GDA: variants seen among roughly 807,000 people sequenced by gnomAD.
The protein encoded by GDA is cytoplasmic PSD-95 interactor.
GDA carries 18 observed loss-of-function variants against 59.6 expected under a neutral mutation model. The observed-to-expected ratio is 0.30, with a 90% CI of 0.21 to 0.45. The LOEUF (loss-of-function observed/expected upper bound fraction) is 0.45, where lower values mean the gene tolerates loss of function less well. GDA is among the 20% of genes least tolerant of loss of function. The pLI, the probability that GDA is intolerant of heterozygous loss-of-function variation, is 1.00. For missense variants in GDA, 427 were observed against 552.3 expected (o/e 0.77, Z 2.27); for synonymous variants, 201 against 201.1 (o/e 1.00, Z 0.00).
chr9:72,213,663 C>T (rs894222121), intron 4 of GDA, among the ~76,000 whole-genome samples: 23 of 151,812 alleles, frequency 1.5e-4, no homozygotes, highest in East Asian at 5.8e-4. Flanking sequence ...ATTAGCCGGG[C>T]GCGGTGGCGG....
At chr9:72,218,324 T>C (rs1203738233) in intron 5 of GDA, among the ~76,000 whole-genome samples, 1 of 152,198 alleles carries the variant, frequency 6.6e-6, no homozygotes. Context: ...GAAGTTCAGC[T>C]TTTTTTCTGT....
chr9:72,245,707 C>G (rs1840064329), intron 12 of GDA, among the ~76,000 whole-genome samples: 1 of 152,194 alleles, frequency 6.6e-6, no homozygotes, highest in Non-Finnish European at 1.5e-5. Flanking sequence ...CGTAAAGACT[C>G]ATAGCCAGTG....
At chr9:72,247,312 G>C (rs577972168) in intron 12 of GDA, 94 bp from the exon 13 acceptor site, 2 of 810,392 alleles carry the variant, frequency 2.5e-6, no homozygotes, top group East Asian at 4.9e-5. Context: ...AAACAAATTC[G>C]TATTTCTGGG....
Position 72,252,137 on chromosome 9 carries a change from A to G in GDA, c.*3795A>G, listed in dbSNP as rs973641536. ...GTATTCATAGGAACATTTTTTCTCAATATTTGTATGATTCGCTTACTGTTA... is the reference window on the plus strand; with the variant it reads ...GTATTCATAGGAACATTTTTTCTCAGTATTTGTATGATTCGCTTACTGTTA... On this transcript the variant is annotated 3_prime_UTR_variant, in exon 14 of 14. Transcript: ENST00000358399. 6.6e-6 allele frequency: 1 copy of G among 152,558 alleles called. No homozygotes were observed. The highest frequency in any genetic ancestry group is 1.5e-5 in the Non-Finnish European group (1 of 68,010). 9.5% of individuals were successfully genotyped at this position (152,558 alleles called of 1,614,324 possible).
At position 72,149,702 on chromosome 9, in the gene GDA, A is replaced by G. The variant is rs540940314; in HGVS notation, c.123+20A>G. 1,133 of 1,583,908 alleles carry G rather than the reference A, an allele frequency of 7.2e-4. 9 individuals carry two copies. In the African/African-American group the frequency reaches 0.014, roughly 20 times the overall value. ...GGCAAAGTAAGCAGGCGCGGGGTCG[A>G]GCGCACTCCGACGGGCGGGAGGATA... On this transcript the variant is annotated intron_variant, in intron 1 of 13. Transcript: ENST00000358399.
chr9:72,192,718 A>G (rs1564003333), intron 1 of GDA, among the ~76,000 whole-genome samples: 1 of 151,524 alleles, frequency 6.6e-6, no homozygotes, highest in Non-Finnish European at 1.5e-5. Context: ...CGTCTCTACT[A>G]AAAATACAAA....
At chr9:72,238,763 G>A (rs1308207365) in intron 10 of GDA, among the ~76,000 whole-genome samples, 1 of 152,082 alleles carries the variant, frequency 6.6e-6, no homozygotes, top group Non-Finnish European at 1.5e-5. Flanking sequence ...GGGTAAGGGG[G>A]CAGATCTTCT....
intron 5 of GDA, among the ~76,000 whole-genome samples, chr9:72,216,148 A>G (rs969751348): frequency 3.3e-5 from 5 of 152,192 alleles, no homozygotes; most frequent in Non-Finnish European, 5.9e-5. Flanking sequence ...TGCATGCCCC[A>G]CATCACATCA....
chr9:72,148,773 A>G (rs1465581548), upstream of GDA, among the ~76,000 whole-genome samples: 1 of 152,182 alleles, frequency 6.6e-6, no homozygotes, highest in African/African-American at 2.4e-5. Context: ...TTGATTCCCA[A>G]TTCAGCACCC....
chr9:72,225,722 T>G lies in GDA; in HGVS notation c.760T>G (p.Leu254Val). The part of the protein sequence containing the change: ...NRDEVEAVKN[L>V]YPSYKNYTSV... ...TGATGAAGTTGAAGCTGTGAAAAAC[T>G]TATACCCCAGTTATAAAAACTACAC... The change falls in exon 8 of 14, where the codon TTA (leucine) becomes GTA (valine). Residue 254 changes from leucine (L) to valine (V), a missense_variant. Coordinates refer to ENST00000358399, the MANE Select transcript of GDA (RefSeq NM_004293.5). The G allele has an allele frequency of 1.9e-6, 3 of 1,558,964 alleles. No homozygotes were observed. Among genetic ancestry groups the G allele is most frequent in the Non-Finnish European group, 2.6e-6 (3 of 1,135,664 alleles).
intron 8 of GDA, among the ~76,000 whole-genome samples, chr9:72,226,677 A>C (rs1837629587): frequency 6.6e-6 from 1 of 152,258 alleles, no homozygotes; most frequent in South Asian, 2.1e-4. Context: ...CTGATTTAAA[A>C]GGTTAATACT....
intron 1 of GDA, among the ~76,000 whole-genome samples, chr9:72,134,403 CT>C (rs34514315): frequency 0.62 from 91,935 of 148,062 alleles, 30,822 homozygotes; most frequent in Non-Finnish European, 0.75. Context: ...CCCCCGCCAA[CT>C]TTTTTTTTTT....
At chr9:72,188,827 C>T (rs530784215) in intron 1 of GDA, among the ~76,000 whole-genome samples, 58 of 152,238 alleles carry the variant, frequency 3.8e-4, no homozygotes, top group Non-Finnish European at 6.6e-4. Flanking sequence ...AGACTCCAAC[C>T]TATGAAGCAT....
intron 1 of GDA, among the ~76,000 whole-genome samples, chr9:72,119,273 G>C (rs565452388): frequency 1.3e-5 from 2 of 152,216 alleles, no homozygotes; most frequent in Non-Finnish European, 2.9e-5. Context: ...AGGAGGCCGA[G>C]GGGGGCAGAT....
intron 1 of GDA, among the ~76,000 whole-genome samples, chr9:72,167,240 G>A (rs771577471): frequency 5.3e-5 from 8 of 152,090 alleles, no homozygotes; most frequent in Non-Finnish European, 8.8e-5. Flanking sequence ...CATCATGATT[G>A]CTTCCTTAAC....
intron 1 of GDA, among the ~76,000 whole-genome samples, chr9:72,191,870 G>T (rs909028784): frequency 2.0e-5 from 3 of 152,136 alleles, no homozygotes; most frequent in African/African-American, 7.2e-5. Flanking sequence ...TGACAGGCAT[G>T]AGCCACCATG....
intron 10 of GDA, among the ~76,000 whole-genome samples, chr9:72,234,502 T>C (rs779501442): frequency 1.6e-4 from 24 of 151,950 alleles, no homozygotes; most frequent in Non-Finnish European, 3.2e-4. Context: ...ATCAAATCAG[T>C]GATGTGAGAA....
At chr9:72,170,149 T>C (rs1829783681) in intron 1 of GDA, among the ~76,000 whole-genome samples, 1 of 152,222 alleles carries the variant, frequency 6.6e-6, no homozygotes, top group South Asian at 2.1e-4. Context: ...ACAGTAAAGT[T>C]GAATTAGACC....
intron 2 of GDA, among the ~76,000 whole-genome samples, chr9:72,200,440 C>T (rs1477505373): frequency 1.3e-5 from 2 of 151,792 alleles, no homozygotes; most frequent in East Asian, 3.9e-4. Context: ...CTCCTCCTCT[C>T]CTTTTTCTTT....
Sources: allele counts gnomAD v4.1 joint callset (sites outside exome capture counted in the v4.1 genomes callset), GRCh38; gene constraint gnomAD v4.1.1; transcripts MANE v1.5; gene names NCBI Gene and HGNC (gene_info 2026-07-23, HGNC 2026-07-21).